The following ACOXL variants were observed in gnomAD, a reference collection of about 807,000 sequenced individuals.
ACOXL encodes the protein acyl-CoA oxidase like.
Under a neutral mutation model 71.9 loss-of-function variants are expected in ACOXL, and 70 were observed. That is an observed-to-expected ratio of 0.97 (90% CI 0.80 to 1.19). The LOEUF (loss-of-function observed/expected upper bound fraction) is 1.19, where lower values mean the gene tolerates loss of function less well. Among genes scored for constraint, ACOXL ranks in the 50% most tolerant of loss-of-function variants. The pLI is 0.00. For missense variants in ACOXL, 703 were observed against 736.3 expected (o/e 0.95, Z 0.52); for synonymous variants, 253 against 281.6 (o/e 0.90, Z 1.02).
At chr2:110,920,154 A>G (rs1333799598) in intron 11 of ACOXL, among the ~76,000 whole-genome samples, 2 of 152,180 alleles carry the variant, frequency 1.3e-5, no homozygotes, top group African/African-American at 2.4e-5. Context: ...GTGTTTTCCA[A>G]AGTGGTTGTA....
chr2:110,972,148 C>A (rs2062218656), intron 12 of ACOXL, among the ~76,000 whole-genome samples: 1 of 152,128 alleles, frequency 6.6e-6, no homozygotes, highest in South Asian at 2.1e-4. Flanking sequence ...GAACTCTGAA[C>A]CATGAACAGC....
chr2:110,963,773 A>G, intron 12 of ACOXL: 1 of 1,596,604 alleles, frequency 6.3e-7, no homozygotes, highest in Non-Finnish European at 8.6e-7. Flanking sequence ...AGTGTTTCAT[A>G]TATTTTATCT....
chr2:110,877,262 C>T (rs1029563509), intron 10 of ACOXL, among the ~76,000 whole-genome samples: 5 of 152,208 alleles, frequency 3.3e-5, no homozygotes, highest in African/African-American at 1.2e-4. Context: ...CCACCCTCCG[C>T]CTCATGGACT....
intron 3 of ACOXL, among the ~76,000 whole-genome samples, chr2:110,789,499 G>C (rs951436325): frequency 2.0e-5 from 3 of 152,170 alleles, no homozygotes. Context: ...GTGCCAGCAT[G>C]GTCAGGTTCC....
intron 2 of ACOXL, among the ~76,000 whole-genome samples, chr2:110,774,776 A>G (rs1682422982): frequency 6.6e-6 from 1 of 152,258 alleles, no homozygotes; most frequent in African/African-American, 2.4e-5. Context: ...TGCAATTCCT[A>G]TCAAAATCCC....
At chr2:110,736,477 G>T (rs1353881384) in intron 1 of ACOXL, among the ~76,000 whole-genome samples, 4 of 152,152 alleles carry the variant, frequency 2.6e-5, no homozygotes, top group Non-Finnish European at 5.9e-5. Context: ...GATTCATTTA[G>T]AATTTGTTCT....
chr2:111,079,623 C>T (rs1050021760), intron 16 of ACOXL, among the ~76,000 whole-genome samples: 1 of 152,162 alleles, frequency 6.6e-6, no homozygotes, highest in Admixed American at 6.5e-5. Flanking sequence ...GAGTTAAACT[C>T]ACTGCCAGTT....
intron 7 of ACOXL, among the ~76,000 whole-genome samples, chr2:110,799,947 C>T (rs1286003318): frequency 6.6e-6 from 1 of 151,936 alleles, no homozygotes; most frequent in African/African-American, 2.4e-5. Flanking sequence ...TAACCAGCGC[C>T]CTCTAAAATG....
intron 10 of ACOXL, 69 bp from the exon 11 acceptor site, chr2:110,908,720 A>T: frequency 8.1e-7 from 1 of 1,227,014 alleles, no homozygotes; most frequent in Non-Finnish European, 1.2e-6. Context: ...CAGCATTTTT[A>T]GCTCTGGAAA....
chr2:110,991,276 G>A (rs974258589), intron 13 of ACOXL, among the ~76,000 whole-genome samples: 13 of 152,104 alleles, frequency 8.5e-5, no homozygotes, highest in African/African-American at 2.9e-4. Context: ...TTCCTAAAAT[G>A]CCTTCTTATG....
At chr2:110,892,352 A>T (rs920152227) in intron 10 of ACOXL, among the ~76,000 whole-genome samples, 1 of 152,182 alleles carries the variant, frequency 6.6e-6, no homozygotes, top group Non-Finnish European at 1.5e-5. Context: ...ATGCAGATTA[A>T]TCTGTGGCTG....
intron 11 of ACOXL, 37 bp downstream of exon 11, chr2:110,908,942 G>A (rs374665430): frequency 7.5e-6 from 11 of 1,457,682 alleles, no homozygotes; most frequent in Non-Finnish European, 9.5e-6. Flanking sequence ...CTTAGGGTAA[G>A]TGTGATACCC....
At chr2:111,061,148 C>G (rs969671651) in intron 16 of ACOXL, among the ~76,000 whole-genome samples, 7 of 151,806 alleles carry the variant, frequency 4.6e-5, no homozygotes, top group African/African-American at 1.7e-4. Context: ...TTGACAAAAC[C>G]CATAAACCTA....
rs146447087 is a variant in ACOXL at position 110,801,688 on chromosome 2, A to G, written c.584A>G (p.Asp195Gly). ...HGVDNGILIF[D>G]KVRIPRENLL... ...GTGGACAATGGGATATTAATATTTG[A>G]CAAGGTTCGGATACCCAGGGAGAAC... Residue 195 changes from aspartate to glycine, a missense_variant, in exon 8 of 18, where the codon GAC (aspartate) becomes GGC (glycine). Asp to Gly is a moderately conservative substitution (Grantham distance 94). Transcript: ENST00000439055. 1.7e-5 allele frequency: 28 copies of G among 1,614,028 alleles called. No homozygotes were observed. Among genetic ancestry groups the G allele is most frequent in the Non-Finnish European group, 2.3e-5 (27 of 1,180,014 alleles).
intron 16 of ACOXL, among the ~76,000 whole-genome samples, chr2:111,077,695 A>T (rs1166419157): frequency 6.6e-6 from 1 of 152,228 alleles, no homozygotes; most frequent in East Asian, 1.9e-4. Flanking sequence ...TTTACACGAT[A>T]TATAATTCTG....
At chr2:110,904,944 T>A (rs1361491265) in intron 10 of ACOXL, among the ~76,000 whole-genome samples, 2 of 152,052 alleles carry the variant, frequency 1.3e-5, no homozygotes, top group Admixed American at 6.6e-5. Context: ...ACTGATTCAT[T>A]TGCATATGAA....
intron 16 of ACOXL, among the ~76,000 whole-genome samples, chr2:111,069,939 GT>G (rs1370431849): frequency 6.6e-6 from 1 of 152,044 alleles, no homozygotes; most frequent in African/African-American, 2.4e-5. Flanking sequence ...GGGACAGTGA[GT>G]TTGCCAAAGC....
At chr2:110,790,936 A>C (rs577950565) in intron 3 of ACOXL, among the ~76,000 whole-genome samples, 6 of 151,862 alleles carry the variant, frequency 4.0e-5, no homozygotes, top group African/African-American at 1.5e-4. Context: ...TCTCCTCCCA[A>C]ATCCATCCCA....
chr2:110,847,739 C>T (rs1254093811), intron 10 of ACOXL, among the ~76,000 whole-genome samples: 1 of 152,222 alleles, frequency 6.6e-6, no homozygotes, highest in Non-Finnish European at 1.5e-5. Flanking sequence ...GGCCCTGGCA[C>T]CCCTCGAGGG....
Sources: allele counts gnomAD v4.1 joint callset (sites outside exome capture counted in the v4.1 genomes callset), GRCh38; gene constraint gnomAD v4.1.1; transcripts MANE v1.5; gene names NCBI Gene and HGNC (gene_info 2026-07-23, HGNC 2026-07-21).